The following JPH2 variants were observed in gnomAD, a reference collection of about 807,000 sequenced individuals.
JPH2 encodes junctophilin 2, also known as junctophilin-2.
A neutral mutation model predicts 55.9 loss-of-function variants in JPH2; 38 were observed. That is an observed-to-expected ratio of 0.68 (90% CI 0.52 to 0.89). The LOEUF is 0.89. JPH2 is among the 40% of genes least tolerant of loss of function. The pLI is 0.00. For missense variants in JPH2, 964 were observed against 1,037.6 expected (o/e 0.93, Z 0.97); for synonymous variants, 480 against 472.4 (o/e 1.02, Z -0.21).
At chr20:44,185,636 GAA>G (rs35246323) in intron 1 of JPH2, among the ~76,000 whole-genome samples, 26 of 142,310 alleles carry the variant, frequency 1.8e-4, no homozygotes, top group Middle Eastern at 3.6e-3. Context: ...ACTTGTCTTG[GAA>G]AAAAAAAAAA....
At chr20:44,126,270 G>A (rs2072276709) in intron 2 of JPH2, among the ~76,000 whole-genome samples, 2 of 151,862 alleles carry the variant, frequency 1.3e-5, no homozygotes, top group African/African-American at 2.4e-5. Flanking sequence ...TGTCCTAAAT[G>A]CCACTGAATT....
chr20:44,110,272 G>A lies in JPH2; in HGVS notation c.*3246C>T, dbSNP rs1283893218. 6.6e-6 allele frequency among the ~76,000 whole-genome samples: 1 copy of A among 152,062 alleles called. No individual in the cohort carries two copies. The highest frequency in any genetic ancestry group is 1.5e-5 in the Non-Finnish European group (1 of 67,978). Reference sequence around the variant, plus strand: ...CCCCATCTGCAGACCGGCCAACTGGGCTGGCTGCCCACCTGCTTTCCCTCT... The same window carrying A: ...CCCCATCTGCAGACCGGCCAACTGGACTGGCTGCCCACCTGCTTTCCCTCT... On this transcript the variant is annotated 3_prime_UTR_variant, in exon 6 of 6. Transcript: ENST00000372980.
At chr20:44,185,674 GA>G (rs1348610420) in intron 1 of JPH2, among the ~76,000 whole-genome samples, 55 of 139,842 alleles carry the variant, frequency 3.9e-4, no homozygotes, top group African/African-American at 1.7e-3. Context: ...ATCATAGATG[GA>G]TGGATGGATG....
chr20:44,163,991 T>C (rs980397208), intron 1 of JPH2, among the ~76,000 whole-genome samples: 3 of 152,174 alleles, frequency 2.0e-5, no homozygotes, highest in Admixed American at 6.5e-5. Flanking sequence ...GAAGAAAGCA[T>C]TGGGCATGAT....
At chr20:44,171,202 C>T (rs1054930288) in intron 1 of JPH2, among the ~76,000 whole-genome samples, 4 of 152,038 alleles carry the variant, frequency 2.6e-5, no homozygotes, top group South Asian at 2.1e-4. Flanking sequence ...AGGAAGAGCA[C>T]GTGTAAGGAA....
At chr20:44,157,456 C>T (rs781380590) in intron 2 of JPH2, among the ~76,000 whole-genome samples, 2 of 152,158 alleles carry the variant, frequency 1.3e-5, no homozygotes, top group African/African-American at 4.8e-5. Context: ...CCGCCCAGTC[C>T]GGCCTTCTTC....
intron 1 of JPH2, among the ~76,000 whole-genome samples, chr20:44,180,947 C>T (rs769218317): frequency 8.6e-5 from 13 of 151,826 alleles, no homozygotes; most frequent in Non-Finnish European, 1.8e-4. Context: ...ACGCAACAGG[C>T]ACATAACTCT....
chr20:44,151,259 G>A (rs1254905437), intron 2 of JPH2, among the ~76,000 whole-genome samples: 1 of 152,224 alleles, frequency 6.6e-6, no homozygotes. Flanking sequence ...GCTCACGCCT[G>A]TAATCCCAGC....
rs772582964 is a variant in JPH2, at chr20:44,160,344, G to T, written c.443C>A (p.Pro148His). ...RHGYGVRQSV[P>H]YGMAVVVRSP... The stretch of plus-strand genomic sequence containing the variant: ...GCGCACCACCACGGCCATCCCGTAG[G>T]GCACGCTCTGGCGTACTCCGTAGCC... Residue 148 changes from proline (P) to histidine (H), a missense_variant, in exon 2 of 6, where the codon CCC becomes CAC. Coordinates refer to ENST00000372980, the MANE Select transcript of JPH2 (RefSeq NM_020433.5). This position sits in a 1 kb window ranked among gnomAD's most constrained non-coding sequence, Gnocchi z 4.9. The T allele has an allele frequency of 6.3e-7, 1 of 1,589,496 alleles. No homozygotes were observed. Among genetic ancestry groups the T allele is most frequent in the Non-Finnish European group, 8.6e-7 (1 of 1,168,522 alleles).
intron 5 of JPH2, among the ~76,000 whole-genome samples, chr20:44,113,947 T>C (rs1383247105): frequency 2.0e-5 from 3 of 152,160 alleles, no homozygotes; most frequent in Non-Finnish European, 4.4e-5. Context: ...GGTGACAGCA[T>C]AGACTTTCCT....
intron 3 of JPH2, among the ~76,000 whole-genome samples, chr20:44,117,740 C>A (rs2072204607): frequency 6.6e-6 from 1 of 152,236 alleles, no homozygotes; most frequent in African/African-American, 2.4e-5. Context: ...CCTTCTCTAA[C>A]ACTTCCTCTT....
intron 1 of JPH2, chr20:44,178,006 G>C: frequency 1.1e-6 from 1 of 874,736 alleles, no homozygotes; most frequent in South Asian, 1.3e-5. Context: ...GCTCAGGGAG[G>C]TTACATGGTG....
At chr20:44,151,190 A>G (rs2072527614) in intron 2 of JPH2, among the ~76,000 whole-genome samples, 1 of 152,232 alleles carries the variant, frequency 6.6e-6, no homozygotes, top group South Asian at 2.1e-4. Flanking sequence ...GGAAATTTTT[A>G]TAACAAAATG....
chr20:44,121,030 C>T (rs1331910176), intron 2 of JPH2, among the ~76,000 whole-genome samples: 1 of 150,916 alleles, frequency 6.6e-6, no homozygotes, highest in African/African-American at 2.4e-5. Context: ...TAAAAAGTAC[C>T]TAATTATAAT....
chr20:44,178,414 A>G (rs1243375437), intron 1 of JPH2, among the ~76,000 whole-genome samples: 1 of 152,250 alleles, frequency 6.6e-6, no homozygotes, highest in Non-Finnish European at 1.5e-5. Context: ...TGAATTCTCT[A>G]AAACATTGCT....
intron 2 of JPH2, among the ~76,000 whole-genome samples, chr20:44,140,444 A>C (rs929368176): frequency 1.3e-5 from 2 of 152,146 alleles, no homozygotes; most frequent in African/African-American, 4.8e-5. Flanking sequence ...AGCAGGTCCT[A>C]TGGGATGATG....
Position 44,114,821 on chromosome 20 carries a change from A to G in JPH2, c.2066T>C (p.Ile689Thr). Residue 689 changes from isoleucine (I) to threonine (T), a missense_variant, in exon 5 of 6, where the codon ATC becomes ACC. Coordinates refer to ENST00000372980, the MANE Select transcript of JPH2 (RefSeq NM_020433.5). Reference protein sequence around the residue: ...MVILLNIGLAILFVHLLT With the variant: ...MVILLNIGLATLFVHLLT ...TCAGGTCAGGAGGTGAACAAAGAGG[A>G]TGGCCAGGCCGATGTTCAGCAGGAT... is the stretch of plus-strand genomic sequence containing the variant. 8 of 1,607,378 alleles carry G rather than the reference A, an allele frequency of 5.0e-6. No individual in the cohort carries two copies. The highest frequency in any genetic ancestry group is 6.8e-6 in the Non-Finnish European group (8 of 1,177,580).
chr20:44,139,335 G>T (rs1486412213), intron 2 of JPH2, among the ~76,000 whole-genome samples: 1 of 152,046 alleles, frequency 6.6e-6, no homozygotes. Flanking sequence ...ACTGCGAGTT[G>T]GGGGAATTTA....
chr20:44,114,925 A>AC (rs775747130), intron 4 of JPH2, 49 bp from the exon 5 acceptor site: 2 of 1,426,572 alleles, frequency 1.4e-6, no homozygotes, highest in African/African-American at 1.4e-5. Context: ...CCTCGGAGAC[A>AC]CCCCCCACCC....
Sources: gnomAD v4.1 joint callset for allele counts (sites outside exome capture counted in the v4.1 genomes callset) on GRCh38, gnomAD v4.1.1 for gene constraint, Gnocchi (gnomAD v3.1) non-coding constraint, MANE v1.5 for transcripts, NCBI Gene and HGNC (gene_info 2026-07-23, HGNC 2026-07-21) for gene names.